PDE4D: variants seen among roughly 807,000 people sequenced by gnomAD.
PDE4D encodes 3',5'-cyclic-AMP phosphodiesterase 4D.
PDE4D carries 24 observed loss-of-function variants against 87.4 expected under a neutral mutation model. That is an observed-to-expected ratio of 0.27 (90% CI 0.20 to 0.39). The LOEUF is 0.39. Ranked by LOEUF, PDE4D falls within the 10% of genes least tolerant of loss-of-function variation. PDE4D has a pLI of 1.00. For missense variants in PDE4D, 714 were observed against 1,041.0 expected (o/e 0.69, Z 4.32); for synonymous variants, 384 against 383.2 (o/e 1.00, Z -0.02).
intron 1 of PDE4D, among the ~76,000 whole-genome samples, chr5:59,681,281 T>A (rs1244078762): frequency 1.3e-5 from 2 of 152,104 alleles, no homozygotes; most frequent in Admixed American, 6.6e-5. Flanking sequence ...TTAAGATAAA[T>A]AATGATATTA....
chr5:60,115,370 A>T (rs1056522722), intron 2 of PDE4D, among the ~76,000 whole-genome samples: 3 of 152,068 alleles, frequency 2.0e-5, no homozygotes, highest in African/African-American at 2.4e-5. Context: ...TGACACAGAA[A>T]CACCTTCAGG....
chr5:59,905,261 T>C (rs1253861538), intron 3 of PDE4D, among the ~76,000 whole-genome samples: 1 of 152,142 alleles, frequency 6.6e-6, no homozygotes, highest in Non-Finnish European at 1.5e-5. Flanking sequence ...ACACAGTGAA[T>C]TGTTCAGAAT....
intron 5 of PDE4D, among the ~76,000 whole-genome samples, chr5:59,159,960 T>C (rs1010381613): frequency 6.6e-6 from 1 of 152,160 alleles, no homozygotes; most frequent in East Asian, 1.9e-4. Context: ...AAAGTCCTCA[T>C]AGATCATTAG....
At chr5:59,795,295 G>C (rs1219284457) in intron 1 of PDE4D, among the ~76,000 whole-genome samples, 3 of 152,100 alleles carry the variant, frequency 2.0e-5, no homozygotes, top group Non-Finnish European at 2.9e-5. Context: ...ATAGACTTAG[G>C]GGGCAGTTGG....
intron 3 of PDE4D, among the ~76,000 whole-genome samples, chr5:59,939,779 T>G (rs1378321360): frequency 6.6e-6 from 1 of 152,114 alleles, no homozygotes; most frequent in African/African-American, 2.4e-5. Flanking sequence ...GAGGACCTTG[T>G]AGGCCAACCT....
At chr5:60,133,986 C>T (rs1779812435) in intron 2 of PDE4D, among the ~76,000 whole-genome samples, 1 of 152,000 alleles carries the variant, frequency 6.6e-6, no homozygotes, top group Admixed American at 6.6e-5. Flanking sequence ...GACTTTGTTG[C>T]CAGTAAAAAT....
intron 1 of PDE4D, among the ~76,000 whole-genome samples, chr5:59,228,280 G>T (rs1039214573): frequency 6.6e-6 from 1 of 151,664 alleles, no homozygotes; most frequent in Admixed American, 6.6e-5. Context: ...GAGAGAAGAG[G>T]ATCAGAAAAA....
chr5:59,574,128 TTATATATATATATATAAATATATATTTA>T (rs1561241926), intron 1 of PDE4D, among the ~76,000 whole-genome samples: 391 of 3,822 alleles, frequency 0.1, 6 homozygotes, highest in Non-Finnish European at 0.18. Context: ...AAATATATAT[TTATATATATATATATAAATATATATTTA>T]TATATATATA....
At chr5:60,309,477 G>C (rs1238696278) in intron 1 of PDE4D, among the ~76,000 whole-genome samples, 1 of 152,128 alleles carries the variant, frequency 6.6e-6, no homozygotes, top group Non-Finnish European at 1.5e-5. Context: ...ATTTGAAATA[G>C]GTAATCCTAT....
intron 1 of PDE4D, among the ~76,000 whole-genome samples, chr5:59,305,964 C>T (rs149223494): frequency 0.01 from 1,593 of 152,166 alleles, 23 homozygotes; most frequent in African/African-American, 0.036. Context: ...TCTTGATGAC[C>T]TGTCTAGTGC....
intron 1 of PDE4D, among the ~76,000 whole-genome samples, chr5:60,361,621 T>G (rs1386948576): frequency 6.6e-6 from 1 of 152,192 alleles, no homozygotes; most frequent in Non-Finnish European, 1.5e-5. Context: ...CAATGAGTTT[T>G]GAGTTGAAGT....
intron 2 of PDE4D, among the ~76,000 whole-genome samples, chr5:59,205,156 A>T (rs1399549808): frequency 6.6e-6 from 1 of 152,196 alleles, no homozygotes. Context: ...CAGAATGCTC[A>T]GTGGTCCTTG....
intron 1 of PDE4D, among the ~76,000 whole-genome samples, chr5:60,252,813 G>T (rs1227653936): frequency 1.3e-5 from 2 of 151,736 alleles, no homozygotes; most frequent in Non-Finnish European, 2.9e-5. Flanking sequence ...TAAATTTTAA[G>T]TAGTGCCTAT....
chr5:60,472,983 A>G (rs1034718885), intron 1 of PDE4D, among the ~76,000 whole-genome samples: 3 of 151,992 alleles, frequency 2.0e-5, no homozygotes, highest in Non-Finnish European at 4.4e-5. Flanking sequence ...ACTTATGATT[A>G]GTTTATTGGG....
rs781774885 is a variant in PDE4D at position 59,795,118 on chromosome 5, G to A, written c.455+98050C>T. Among the ~76,000 whole-genome samples, 9 of 152,296 alleles carry A rather than the reference G, an allele frequency of 5.9e-5. 1 individual carries two copies. Among genetic ancestry groups the A allele is most frequent in the African/African-American group, 1.4e-4 (6 of 41,566 alleles). ...TTGGCCATGTATTTTCTCAAGAATCGTTGCTGTGAAAGAGCCAGTGAAGTC... is the reference window on the plus strand; with the variant it reads ...TTGGCCATGTATTTTCTCAAGAATCATTGCTGTGAAAGAGCCAGTGAAGTC... On this transcript the variant is annotated intron_variant, in intron 1 of 14. Transcript: ENST00000340635.
chr5:59,284,089 G>T (rs1419424171), intron 1 of PDE4D, among the ~76,000 whole-genome samples: 1 of 152,090 alleles, frequency 6.6e-6, no homozygotes, highest in South Asian at 2.1e-4. Flanking sequence ...CTTTGCACAC[G>T]CATTTCTGGC....
intron 1 of PDE4D, among the ~76,000 whole-genome samples, chr5:59,709,834 A>T (rs62370502): frequency 0.03 from 4,528 of 152,264 alleles, 104 homozygotes; most frequent in Non-Finnish European, 0.046. Context: ...TAAAGGAAGT[A>T]ATAACCATTA....
intron 6 of PDE4D, among the ~76,000 whole-genome samples, chr5:59,028,699 T>G (rs1194602846): frequency 6.6e-6 from 1 of 152,114 alleles, no homozygotes; most frequent in Non-Finnish European, 1.5e-5. Context: ...TGAATTGGAA[T>G]ATTTCTGCTG....
chr5:59,370,131 C>T (rs1355682116), intron 1 of PDE4D, among the ~76,000 whole-genome samples: 1 of 152,170 alleles, frequency 6.6e-6, no homozygotes, highest in African/African-American at 2.4e-5. Flanking sequence ...CTACTGTCTC[C>T]TTCCAAGGCT....
Sources: allele counts gnomAD v4.1 joint callset (sites outside exome capture counted in the v4.1 genomes callset), GRCh38; gene constraint gnomAD v4.1.1; transcripts MANE v1.5; gene names NCBI Gene and HGNC (gene_info 2026-07-23, HGNC 2026-07-21).